CDH9: variants seen among roughly 807,000 people sequenced by gnomAD.
CDH9 encodes cadherin 9.
CDH9 carries 28 observed loss-of-function variants against 70.9 expected under a neutral mutation model. That is an observed-to-expected ratio of 0.40 (90% CI 0.29 to 0.54). The LOEUF is 0.54. Among genes scored for constraint, CDH9 ranks in the 20% least tolerant of loss-of-function variants. The pLI, the probability that CDH9 is intolerant of heterozygous loss-of-function variation, is 0.59. For synonymous variants in CDH9, 409 were observed against 343.1 expected, an observed-to-expected ratio of 1.19 and a Z score of -2.12; for missense variants, 874 against 984.4, an observed-to-expected ratio of 0.89 and a Z score of 1.50.
chr5:26,898,502 C>CCT (rs1389322149), intron 7 of CDH9, among the ~76,000 whole-genome samples: 1 of 150,976 alleles, frequency 6.6e-6, no homozygotes. Context: ...CAGAACAGAG[C>CCT]CAGCAATAAT....
Position 26,906,711 on chromosome 5 carries a change from T to C in CDH9, c.643+8A>G, listed in dbSNP as rs1561190509. 2 of 1,612,572 alleles carry C rather than the reference T, an allele frequency of 1.2e-6. No individual in the cohort carries two copies. Among genetic ancestry groups the C allele is most frequent in the Non-Finnish European group, 8.5e-7 (1 of 1,179,302 alleles). ...CAATAAGAAGTCAGCCAAGTTTAAA[T>C]GTTGTACCTGATTCTGGGTCCACTG... On this transcript the variant is annotated splice_region_variant and intron_variant, in intron 4 of 11. Transcript: ENST00000231021.
chr5:26,918,941 G>A (rs958990207), intron 2 of CDH9, among the ~76,000 whole-genome samples: 2 of 152,024 alleles, frequency 1.3e-5, no homozygotes, highest in African/African-American at 4.8e-5. Context: ...ATGTGTCTCT[G>A]GAGAATCCAG....
chr5:26,961,303 A>G (rs73073571), intron 2 of CDH9, among the ~76,000 whole-genome samples: 3,681 of 152,224 alleles, frequency 0.024, 164 homozygotes, highest in African/African-American at 0.084. Flanking sequence ...TAAGTATGCA[A>G]CATGTTATTA....
At chr5:27,034,563 A>T (rs1743360150) in intron 1 of CDH9, among the ~76,000 whole-genome samples, 1 of 151,478 alleles carries the variant, frequency 6.6e-6, no homozygotes, top group Non-Finnish European at 1.5e-5. Flanking sequence ...AAATAAATAA[A>T]TAATACATCT....
intron 1 of CDH9, among the ~76,000 whole-genome samples, chr5:27,000,546 G>A (rs566873466): frequency 1.3e-5 from 2 of 152,200 alleles, no homozygotes; most frequent in African/African-American, 2.4e-5. Flanking sequence ...CACAGTGACC[G>A]AAGTTGGAAC....
intron 1 of CDH9, among the ~76,000 whole-genome samples, chr5:26,996,673 T>C (rs1039163504): frequency 4.0e-5 from 6 of 151,814 alleles, no homozygotes; most frequent in Non-Finnish European, 8.8e-5. Context: ...TAACCATATA[T>C]GTGTACATGT....
intron 1 of CDH9, among the ~76,000 whole-genome samples, chr5:27,033,190 G>A (rs901865789): frequency 6.6e-6 from 1 of 151,038 alleles, no homozygotes; most frequent in African/African-American, 2.4e-5. Context: ...TTTTCAAATG[G>A]TATTTTATCA....
chr5:27,000,057 T>C (rs999323671), intron 1 of CDH9, among the ~76,000 whole-genome samples: 1 of 152,130 alleles, frequency 6.6e-6, no homozygotes, highest in Non-Finnish European at 1.5e-5. Context: ...AATTGAAAAC[T>C]TATTTTTTTG....
chr5:27,005,342 T>G (rs966847675), intron 1 of CDH9, among the ~76,000 whole-genome samples: 3 of 151,852 alleles, frequency 2.0e-5, no homozygotes, highest in Non-Finnish European at 4.4e-5. Flanking sequence ...CAAAAGAAAC[T>G]GCAATGCAAG....
intron 7 of CDH9, 74 bp downstream of exon 7, chr5:26,902,402 T>C (rs1740871729): frequency 1.9e-6 from 2 of 1,030,312 alleles, no homozygotes; most frequent in Non-Finnish European, 2.9e-6. Flanking sequence ...TGTGCAACCA[T>C]TTTTTCACAC....
intron 2 of CDH9, among the ~76,000 whole-genome samples, chr5:26,972,909 G>A (rs1742244563): frequency 6.6e-6 from 1 of 151,284 alleles, no homozygotes; most frequent in Non-Finnish European, 1.5e-5. Flanking sequence ...TGTCACCCAG[G>A]CTAGAGTGCA....
intron 1 of CDH9, among the ~76,000 whole-genome samples, chr5:26,998,594 G>C (rs941807619): frequency 1.3e-5 from 2 of 151,960 alleles, no homozygotes; most frequent in African/African-American, 4.8e-5. Context: ...GTGGGGAGAC[G>C]GGGGAGGGAT....
At chr5:27,031,081 G>A (rs1489759198) in intron 1 of CDH9, among the ~76,000 whole-genome samples, 1 of 151,436 alleles carries the variant, frequency 6.6e-6, no homozygotes, top group Admixed American at 6.6e-5. Context: ...GGTAATTAAA[G>A]ATCACTTTCA....
intron 2 of CDH9, among the ~76,000 whole-genome samples, chr5:26,984,682 A>G (rs1442968874): frequency 1.3e-5 from 2 of 152,134 alleles, no homozygotes; most frequent in Admixed American, 1.3e-4. Context: ...CAGTATTGCA[A>G]TTCTACCTAA....
chr5:27,012,142 T>C (rs1742969788), intron 1 of CDH9, among the ~76,000 whole-genome samples: 1 of 151,934 alleles, frequency 6.6e-6, no homozygotes, highest in Non-Finnish European at 1.5e-5. Context: ...AATGGTACAT[T>C]TTCAGCATAC....
chr5:26,962,981 A>T (rs1462847612), intron 2 of CDH9, among the ~76,000 whole-genome samples: 1 of 152,162 alleles, frequency 6.6e-6, no homozygotes, highest in Admixed American at 6.6e-5. Flanking sequence ...CCTACAGAAA[A>T]ATTTATTCTC....
In CDH9 at chr5:26,890,495, G is replaced by T; in HGVS notation, c.1323C>A (p.Phe441Leu). The change falls in exon 8 of 12, where the codon TTC becomes TTA. Residue 441 changes from phenylalanine (F) to leucine (L), a missense_variant. By Grantham distance (22) the Phe-to-Leu change is conservative. Coordinates refer to ENST00000231021, the MANE Select transcript of CDH9 (RefSeq NM_016279.4). ...FGIHSENGSI[F>L]TLKALDRESS... ...ATTCCCGGTCAAGGGCTTTCAAAGT[G>T]AAAATAGAACCATTTTCTGAGTGAA... is the stretch of plus-strand genomic sequence containing the variant. 2.5e-6 allele frequency: 4 copies of T among 1,610,844 alleles called. No individual in the cohort carries two copies. Among genetic ancestry groups the T allele is most frequent in the Non-Finnish European group, 3.4e-6 (4 of 1,177,174 alleles).
At chr5:27,001,844 A>ACT (rs141271541) in intron 1 of CDH9, among the ~76,000 whole-genome samples, 9,914 of 141,978 alleles carry the variant, frequency 0.07, 355 homozygotes, top group Middle Eastern at 0.16. Flanking sequence ...ACACACACAC[A>ACT]CTCTCTCTCT....
intron 6 of CDH9, 28 bp downstream of exon 6, chr5:26,903,609 T>G (rs1187172590): frequency 1.4e-6 from 2 of 1,451,402 alleles, no homozygotes; most frequent in Non-Finnish European, 1.9e-6. Context: ...AAGCACTCAA[T>G]GAAAAGATGA....
Sources: allele counts gnomAD v4.1 joint callset (sites outside exome capture counted in the v4.1 genomes callset), GRCh38; gene constraint gnomAD v4.1.1; transcripts MANE v1.5; gene names NCBI Gene and HGNC (gene_info 2026-07-23, HGNC 2026-07-21).